Variants in GALNT13 observed in about 807,000 individuals in gnomAD.
GALNT13 encodes UDP-GalNAc:polypeptide N-acetylgalactosaminyltransferase 13.
Under a neutral mutation model 64.2 loss-of-function variants are expected in GALNT13, and 28 were observed. The ratio of observed to expected loss-of-function variants is 0.44; its 90% CI spans 0.32 to 0.60. The LOEUF (loss-of-function observed/expected upper bound fraction) is 0.60, where lower values mean the gene tolerates loss of function less well. GALNT13 is among the 20% of genes least tolerant of loss of function. GALNT13 has a pLI of 0.05. For synonymous variants in GALNT13, 214 were observed against 224.6 expected, an observed-to-expected ratio of 0.95 and a Z score of 0.42; for missense variants, 577 against 669.8, an observed-to-expected ratio of 0.86 and a Z score of 1.53.
intron 3 of GALNT13, among the ~76,000 whole-genome samples, chr2:154,021,913 G>T (rs551043588): frequency 2.6e-5 from 4 of 151,864 alleles, no homozygotes; most frequent in South Asian, 2.1e-4. Context: ...TAGCATGAAG[G>T]GTTGTTGAAT....
At chr2:153,352,138 GCATTATGGCTATT>G in the GALNT13 span, among the ~76,000 whole-genome samples, 9 of 152,072 alleles carry the variant, frequency 5.9e-5, no homozygotes, top group African/African-American at 2.2e-4. Flanking sequence ...TTAGCGTTCT[GCATTATGGCTATT>G]CTAATAGGTA....
chr2:154,089,630 A>T (rs960648339), intron 3 of GALNT13, among the ~76,000 whole-genome samples: 2 of 152,058 alleles, frequency 1.3e-5, no homozygotes, highest in South Asian at 4.2e-4. Context: ...AGGGAGCCCT[A>T]TTGTTCTTGG....
chr2:154,253,702 T>A (rs896809345), intron 7 of GALNT13, among the ~76,000 whole-genome samples: 1 of 152,190 alleles, frequency 6.6e-6, no homozygotes, highest in Non-Finnish European at 1.5e-5. Context: ...TTGAAAATCT[T>A]GCAATTAGTG....
At chr2:153,731,595 A>G in the GALNT13 span, among the ~76,000 whole-genome samples, 1 of 152,018 alleles carries the variant, frequency 6.6e-6, no homozygotes, top group South Asian at 2.1e-4. Flanking sequence ...ACTGATGCAT[A>G]TTACATGACA....
chr2:153,087,558 A>G, the GALNT13 span, among the ~76,000 whole-genome samples: 2 of 152,166 alleles, frequency 1.3e-5, no homozygotes, highest in Non-Finnish European at 2.9e-5. Context: ...GATTGGTATC[A>G]ATTCTTTTCT....
intron 2 of GALNT13, among the ~76,000 whole-genome samples, chr2:153,920,899 G>A (rs575729203): frequency 6.6e-6 from 1 of 152,274 alleles, no homozygotes; most frequent in East Asian, 1.9e-4. Flanking sequence ...GATCATTTGA[G>A]AAATGCAGAT....
chr2:153,619,531 T>G, the GALNT13 span, among the ~76,000 whole-genome samples: 1 of 152,144 alleles, frequency 6.6e-6, no homozygotes, highest in Admixed American at 6.6e-5. Context: ...AAGTGATTAT[T>G]TATTGCTCAT....
chr2:153,774,150 C>A, the GALNT13 span, among the ~76,000 whole-genome samples: 1 of 151,856 alleles, frequency 6.6e-6, no homozygotes, highest in Non-Finnish European at 1.5e-5. Flanking sequence ...ATATTTACAG[C>A]CTTTTAATCA....
At chr2:153,150,959 CTT>C in the GALNT13 span, among the ~76,000 whole-genome samples, 1 of 151,978 alleles carries the variant, frequency 6.6e-6, no homozygotes, top group Non-Finnish European at 1.5e-5. Context: ...AATGCGGGCT[CTT>C]TTTTGGTTCC....
chr2:153,769,027 G>T, the GALNT13 span, among the ~76,000 whole-genome samples: 1 of 152,192 alleles, frequency 6.6e-6, no homozygotes, highest in East Asian at 1.9e-4. Flanking sequence ...ACAGAAAATG[G>T]TGGAGACTTA....
the GALNT13 span, among the ~76,000 whole-genome samples, chr2:153,766,143 G>A: frequency 6.6e-6 from 1 of 151,252 alleles, no homozygotes; most frequent in African/African-American, 2.5e-5. Context: ...TTCATGGTTG[G>A]CATTTTTTTT....
At chr2:153,120,489 A>G in the GALNT13 span, among the ~76,000 whole-genome samples, 3 of 152,144 alleles carry the variant, frequency 2.0e-5, no homozygotes, top group Non-Finnish European at 2.9e-5. Flanking sequence ...ACCCTCAGGC[A>G]TTTGAGGACA....
At chr2:153,539,565 T>G in the GALNT13 span, among the ~76,000 whole-genome samples, 1 of 151,966 alleles carries the variant, frequency 6.6e-6, no homozygotes, top group African/African-American at 2.4e-5. Flanking sequence ...GAATTGATTT[T>G]TGTATAAAGT....
At chr2:154,210,448 C>T (rs2105798699) in intron 4 of GALNT13, among the ~76,000 whole-genome samples, 1 of 152,232 alleles carries the variant, frequency 6.6e-6, no homozygotes, top group Middle Eastern at 3.4e-3. Flanking sequence ...TACATTCCCT[C>T]CAATGAGAAA....
chr2:153,116,211 G>A, the GALNT13 span, among the ~76,000 whole-genome samples: 1 of 152,090 alleles, frequency 6.6e-6, no homozygotes, highest in Non-Finnish European at 1.5e-5. Context: ...TAAAGCTTCA[G>A]CATCTATTAA....
intron 4 of GALNT13, among the ~76,000 whole-genome samples, chr2:154,183,433 T>C (rs972237877): frequency 1.3e-5 from 2 of 152,132 alleles, no homozygotes; most frequent in Admixed American, 1.3e-4. Context: ...GGTTGCAGAC[T>C]GAGTATGGTG....
At chr2:153,167,210 T>A in the GALNT13 span, among the ~76,000 whole-genome samples, 1 of 152,230 alleles carries the variant, frequency 6.6e-6, no homozygotes, top group Non-Finnish European at 1.5e-5. Flanking sequence ...GATACTTCCA[T>A]TGGCATCACA....
chr2:154,318,608 C>T (rs1241765125), intron 9 of GALNT13, among the ~76,000 whole-genome samples: 1 of 151,782 alleles, frequency 6.6e-6, no homozygotes, highest in African/African-American at 2.4e-5. Flanking sequence ...GCCTGTAATC[C>T]CAGCTACTTG....
the GALNT13 span, chr2:153,478,267 T>A: frequency 6.2e-7 from 1 of 1,613,794 alleles, no homozygotes; most frequent in Admixed American, 1.7e-5. Context: ...CGCCTCCACC[T>A]CCTTAGACGG....
Sources: allele counts gnomAD v4.1 joint callset (sites outside exome capture counted in the v4.1 genomes callset), GRCh38; gene constraint gnomAD v4.1.1; transcripts MANE v1.5; gene names NCBI Gene and HGNC (gene_info 2026-07-23, HGNC 2026-07-21).